The following PTPRM variants were observed in gnomAD, a reference collection of about 807,000 sequenced individuals.
PTPRM encodes the protein protein tyrosine phosphatase receptor type M, also known as receptor-type tyrosine-protein phosphatase mu.
Under a neutral mutation model 186.7 loss-of-function variants are expected in PTPRM, and 47 were observed. The ratio of observed to expected loss-of-function variants is 0.25; its 90% CI spans 0.20 to 0.32. The LOEUF (loss-of-function observed/expected upper bound fraction) is 0.32, where lower values mean the gene tolerates loss of function less well. PTPRM is among the 10% of genes least tolerant of loss of function. The probability of loss-of-function intolerance (pLI) is 1.00; values close to 1 mark genes in which losing one functional copy is unlikely to be tolerated. For synonymous variants in PTPRM, 668 were observed against 674.9 expected (o/e 0.99, Z 0.16); for missense variants, 1,494 against 1,865.0 (o/e 0.80, Z 3.66).
chr18:7,860,313 T>C (rs1001972854), intron 2 of PTPRM, among the ~76,000 whole-genome samples: 7 of 152,178 alleles, frequency 4.6e-5, no homozygotes, highest in East Asian at 1.9e-4. Context: ...CCTCAAGTGA[T>C]CTGCTGGCCT....
At chr18:7,675,626 G>A (rs539007131) in intron 1 of PTPRM, among the ~76,000 whole-genome samples, 2 of 152,266 alleles carry the variant, frequency 1.3e-5, no homozygotes, top group South Asian at 4.1e-4. Context: ...TTCTGCTGAC[G>A]CTGGTTTACT....
At chr18:8,216,115 A>AT (rs2094081554) in intron 14 of PTPRM, among the ~76,000 whole-genome samples, 1 of 151,816 alleles carries the variant, frequency 6.6e-6, no homozygotes, top group Admixed American at 6.6e-5. Context: ...TATTTCTTTA[A>AT]TTTTTTTTAT....
intron 6 of PTPRM, among the ~76,000 whole-genome samples, chr18:7,954,227 G>A (rs762496394): frequency 2.6e-5 from 4 of 152,162 alleles, no homozygotes; most frequent in Non-Finnish European, 5.9e-5. Context: ...TTTAAACAAA[G>A]AGAGGGACTT....
intron 7 of PTPRM, among the ~76,000 whole-genome samples, chr18:7,966,967 G>A (rs1428558253): frequency 8.3e-6 from 1 of 120,210 alleles, no homozygotes; most frequent in Admixed American, 8.6e-5. Context: ...GCTCTAGGAG[G>A]CCTGCCTGCC....
intron 1 of PTPRM, among the ~76,000 whole-genome samples, chr18:7,723,082 A>T: frequency 6.6e-6 from 1 of 152,186 alleles, no homozygotes; most frequent in Non-Finnish European, 1.5e-5. Flanking sequence ...GTGAATCTAG[A>T]TCAGGAGTTT....
chr18:8,211,731 C>T (rs2146966850), intron 14 of PTPRM, among the ~76,000 whole-genome samples: 1 of 152,150 alleles, frequency 6.6e-6, no homozygotes, highest in Non-Finnish European at 1.5e-5. Context: ...TCATTTTCCT[C>T]AATGAAACAG....
chr18:7,864,980 A>C (rs987344365), intron 2 of PTPRM, among the ~76,000 whole-genome samples: 1 of 152,170 alleles, frequency 6.6e-6, no homozygotes, highest in Non-Finnish European at 1.5e-5. Context: ...GAGTTCACTC[A>C]TGATTTGGCT....
At chr18:7,959,806 A>G (rs2053548702) in intron 7 of PTPRM, among the ~76,000 whole-genome samples, 2 of 152,236 alleles carry the variant, frequency 1.3e-5, no homozygotes, top group South Asian at 2.1e-4. Flanking sequence ...TGCCCTGTCA[A>G]TATGGGTTAT....
At position 8,325,062 on chromosome 18, in the gene PTPRM, T is replaced by C. The variant is rs139926266; in HGVS notation, c.2956+5848T>C. On this transcript the variant is annotated intron_variant, in intron 22 of 32. Transcript: ENST00000580170. ...TCTGAACTCAACCCCCAACCCTGGT[T>C]CCTCCATTGGCAACTTGTGTGACCT... 2.6e-4 allele frequency among the ~76,000 whole-genome samples: 39 copies of C among 152,306 alleles called. 1 individual carries two copies. In the East Asian group the frequency reaches 6.9e-3, roughly 27 times the overall value.
intron 2 of PTPRM, among the ~76,000 whole-genome samples, chr18:7,793,395 C>A (rs549693787): frequency 6.6e-6 from 1 of 152,300 alleles, no homozygotes; most frequent in Non-Finnish European, 1.5e-5. Flanking sequence ...ATGTCTGATG[C>A]AGAATCCAAT....
intron 2 of PTPRM, among the ~76,000 whole-genome samples, chr18:7,800,102 T>A (rs772162300): frequency 5.9e-5 from 9 of 152,188 alleles, no homozygotes; most frequent in Non-Finnish European, 1.0e-4. Flanking sequence ...TCCCAGCTAC[T>A]GCAAGCCCAC....
At chr18:7,647,207 T>G (rs1022275925) in intron 1 of PTPRM, among the ~76,000 whole-genome samples, 2 of 152,154 alleles carry the variant, frequency 1.3e-5, no homozygotes, top group Non-Finnish European at 2.9e-5. Flanking sequence ...CAGGCAAAAC[T>G]CTGATGAAAT....
intron 2 of PTPRM, among the ~76,000 whole-genome samples, chr18:7,792,654 T>C (rs966986342): frequency 6.6e-6 from 1 of 152,134 alleles, no homozygotes; most frequent in Non-Finnish European, 1.5e-5. Context: ...CAAAAGTGTT[T>C]TTTTGTTTGT....
intron 22 of PTPRM, among the ~76,000 whole-genome samples, chr18:8,341,466 A>T (rs1352567212): frequency 6.6e-6 from 1 of 152,096 alleles, no homozygotes; most frequent in Admixed American, 6.5e-5. Flanking sequence ...AGAAGGGGTG[A>T]GTGAGGAATA....
chr18:8,042,255 A>G (rs1424246781), intron 7 of PTPRM, among the ~76,000 whole-genome samples: 3 of 152,224 alleles, frequency 2.0e-5, no homozygotes, highest in African/African-American at 7.2e-5. Flanking sequence ...GTATGTACCA[A>G]ATATAAAAAT....
intron 2 of PTPRM, 199 bp from the exon 3 acceptor site, chr18:7,887,907 T>A: frequency 1.3e-6 from 1 of 761,896 alleles, no homozygotes; most frequent in Non-Finnish European, 2.4e-6. Flanking sequence ...ATTAATACTA[T>A]GTGCACTCTT....
chr18:8,355,568 G>A (rs139274925), intron 23 of PTPRM, among the ~76,000 whole-genome samples: 430 of 152,188 alleles, frequency 2.8e-3, no homozygotes, highest in Non-Finnish European at 4.5e-3. Flanking sequence ...AAGTGACAAG[G>A]GGAAAGGGCC....
chr18:8,331,184 G>A (rs1423628494), intron 22 of PTPRM, among the ~76,000 whole-genome samples: 1 of 152,156 alleles, frequency 6.6e-6, no homozygotes, highest in Admixed American at 6.5e-5. Context: ...TTCTAGAAGA[G>A]GACTGAATAT....
chr18:7,990,367 G>A (rs2083200920), intron 7 of PTPRM, among the ~76,000 whole-genome samples: 2 of 152,294 alleles, frequency 1.3e-5, no homozygotes, highest in Non-Finnish European at 2.9e-5. Context: ...TTCCTTCACT[G>A]TAGCTAGTTT....
Sources: allele counts gnomAD v4.1 joint callset (sites outside exome capture counted in the v4.1 genomes callset), GRCh38; gene constraint gnomAD v4.1.1; transcripts MANE v1.5; gene names NCBI Gene and HGNC (gene_info 2026-07-23, HGNC 2026-07-21).